FNDC3A: variants seen among roughly 807,000 people sequenced by gnomAD.
FNDC3A encodes fibronectin type-III domain-containing protein 3A.
Under a neutral mutation model 148.9 loss-of-function variants are expected in FNDC3A, and 32 were observed. The observed-to-expected ratio is 0.21, with a 90% CI of 0.16 to 0.29. The LOEUF (loss-of-function observed/expected upper bound fraction) is 0.29, where lower values mean the gene tolerates loss of function less well. FNDC3A is among the 10% of genes least tolerant of loss of function. FNDC3A has a pLI of 1.00. For missense variants in FNDC3A, 1,191 were observed against 1,452.8 expected, an observed-to-expected ratio of 0.82 and a Z score of 2.93; for synonymous variants, 472 against 473.6, an observed-to-expected ratio of 1.00 and a Z score of 0.04.
At position 49,197,977 on chromosome 13, in the gene FNDC3A, T is replaced by C. The variant is rs774766415; in HGVS notation, c.2491-5T>C. On this transcript the variant is annotated splice_polypyrimidine_tract_variant and splice_region_variant and intron_variant, in intron 21 of 25. Coordinates refer to ENST00000492622, the MANE Select transcript of FNDC3A (RefSeq NM_001079673.2). Reference sequence around the variant, plus strand: ...TGTTAACTCGGAGGCTCTGTTAATTTGTAGGCTCTGAGTGTTGTGGGTGCA... The same window carrying C: ...TGTTAACTCGGAGGCTCTGTTAATTCGTAGGCTCTGAGTGTTGTGGGTGCA... 28 of 1,605,830 alleles carry C rather than the reference T, an allele frequency of 1.7e-5. No individual in the cohort carries two copies. In the Admixed American group the frequency reaches 4.5e-4, roughly 26 times the overall value.
chr13:49,181,670 A>G (rs1885310382), intron 14 of FNDC3A, among the ~76,000 whole-genome samples: 1 of 152,148 alleles, frequency 6.6e-6, no homozygotes, highest in African/African-American at 2.4e-5. Flanking sequence ...TTCTAGCTAG[A>G]TATTGCAGAT....
At chr13:49,142,070 T>C (rs1882721520) in intron 7 of FNDC3A, among the ~76,000 whole-genome samples, 1 of 152,250 alleles carries the variant, frequency 6.6e-6, no homozygotes, top group African/African-American at 2.4e-5. Context: ...GTGATATGGA[T>C]ATAAAAGCAA....
chr13:49,062,033 A>G (rs1876933875), intron 2 of FNDC3A, among the ~76,000 whole-genome samples: 2 of 151,888 alleles, frequency 1.3e-5, no homozygotes, highest in South Asian at 2.1e-4. Flanking sequence ...TGCGGAAACC[A>G]TTGTGTAAAG....
At chr13:49,068,952 G>A (rs1010414062) in intron 2 of FNDC3A, among the ~76,000 whole-genome samples, 1 of 151,980 alleles carries the variant, frequency 6.6e-6, no homozygotes, top group African/African-American at 2.4e-5. Context: ...TAACTATTGG[G>A]TACTAGATTT....
intron 2 of FNDC3A, chr13:49,044,723 C>A: frequency 6.6e-6 from 2 of 303,828 alleles, no homozygotes; most frequent in Non-Finnish European, 6.7e-6. Context: ...GAATGGTTAA[C>A]AGAACAAGAT....
chr13:49,006,160 C>A lies in FNDC3A; in HGVS notation c.-31C>A. 2.5e-6 allele frequency: 3 copies of A among 1,197,622 alleles called. No homozygotes were observed. The highest frequency in any genetic ancestry group is 1.3e-5 in the South Asian group (1 of 78,814). 74.2% of individuals were successfully genotyped at this position (1,197,622 alleles called of 1,614,324 possible). ...ATATGTTTGTTTTTCAGAATTGGAG[C>A]GTTATTCAGTATATTAATGTCTTAT... On this transcript the variant is annotated 5_prime_UTR_variant, in exon 2 of 26. Coordinates refer to ENST00000492622, the MANE Select transcript of FNDC3A (RefSeq NM_001079673.2).
rs1043020952 is a variant in FNDC3A, at chr13:49,180,974, C to T, written c.1617+2320C>T. ...ACGCTTGTAATAATCCCAACACTTT[C>T]GGAGGCTGAGACAGGAGGATCATAT... On this transcript the variant is annotated intron_variant, in intron 14 of 25. Transcript: ENST00000492622. 3.9e-5 allele frequency among the ~76,000 whole-genome samples: 6 copies of T among 152,102 alleles called. No homozygotes were observed. In the East Asian group the frequency reaches 5.8e-4, roughly 15 times the overall value.
chr13:49,203,853 T>C (rs920317172), intron 25 of FNDC3A, among the ~76,000 whole-genome samples: 2 of 151,530 alleles, frequency 1.3e-5, no homozygotes, highest in Non-Finnish European at 2.9e-5. Flanking sequence ...AAGGGAAGAG[T>C]TGATAAGGTC....
At position 49,178,581 on chromosome 13, in the gene FNDC3A, A is replaced by G. The variant is rs1885149897; in HGVS notation, c.1544A>G (p.Lys515Arg). ...TTCCTTTTCCAGGGATATGGTTTTAAGCCTAAATATGATGGAGAAGATCTT... is the reference window on the plus strand; with the variant it reads ...TTCCTTTTCCAGGGATATGGTTTTAGGCCTAAATATGATGGAGAAGATCTT... Reference protein sequence around the residue: ...MEEETSGYGFKPKYDGEDLAY... With the variant: ...MEEETSGYGFRPKYDGEDLAY... Residue 515 changes from lysine (K) to arginine (R), a missense_variant, in exon 14 of 26, where the codon AAG (lysine) becomes AGG (arginine). By Grantham distance (26) the Lys-to-Arg change is conservative (BLOSUM62 2). Around this residue, in one of 3 missense-constraint regions of FNDC3A, gnomAD observed 751 missense variants for 944.0 expected, o/e 0.80. Coordinates refer to ENST00000492622, the MANE Select transcript of FNDC3A (RefSeq NM_001079673.2). 1 of 1,594,474 alleles carries G rather than the reference A, an allele frequency of 6.3e-7. No individual in the cohort carries two copies. Among genetic ancestry groups the G allele is most frequent in the Non-Finnish European group, 8.6e-7 (1 of 1,168,934 alleles).
chr13:49,053,146 A>G (rs990966790), intron 2 of FNDC3A, among the ~76,000 whole-genome samples: 1 of 152,162 alleles, frequency 6.6e-6, no homozygotes, highest in African/African-American at 2.4e-5. Context: ...CCAGATCATG[A>G]GCCTCCCCAT....
At chr13:49,079,419 A>C (rs1036158528) in intron 3 of FNDC3A, among the ~76,000 whole-genome samples, 38 of 152,230 alleles carry the variant, frequency 2.5e-4, no homozygotes, top group African/African-American at 8.7e-4. Flanking sequence ...TTACTATAAC[A>C]TTCAGTGGTA....
chr13:48,977,767 T>A (rs1344873867), intron 1 of FNDC3A, among the ~76,000 whole-genome samples: 1 of 152,218 alleles, frequency 6.6e-6, no homozygotes, highest in Non-Finnish European at 1.5e-5. Flanking sequence ...GAGAAACATC[T>A]TGTTAAAATT....
rs572846276 is a variant in FNDC3A, at chr13:49,148,972, A to ATG, written c.977+3040_977+3041dup. ...GTTTTTTCTTTTGTAGCTATTGTAAATGTGATTGCCTTTTGGGCTTCTTTC... is the reference window on the plus strand; with the variant it reads ...GTTTTTTCTTTTGTAGCTATTGTAAATGTGTGATTGCCTTTTGGGCTTCTTTC... On this transcript the variant is annotated intron_variant, in intron 8 of 25. Coordinates refer to ENST00000492622, the MANE Select transcript of FNDC3A (RefSeq NM_001079673.2). Among the ~76,000 whole-genome samples the ATG allele has an allele frequency of 4.5e-4, 68 of 152,072 alleles. No homozygotes were observed. In the East Asian group the frequency reaches 5.0e-3, roughly 11 times the overall value.
At chr13:49,191,934 C>T (rs1438853579) in intron 19 of FNDC3A, among the ~76,000 whole-genome samples, 1 of 152,080 alleles carries the variant, frequency 6.6e-6, no homozygotes, top group Non-Finnish European at 1.5e-5. Context: ...GTGATATCTC[C>T]ATTTCACAAC....
chr13:49,049,834 C>T (rs747399663), intron 2 of FNDC3A, among the ~76,000 whole-genome samples: 4 of 152,116 alleles, frequency 2.6e-5, no homozygotes, highest in Non-Finnish European at 5.9e-5. Flanking sequence ...ATTCATCTGC[C>T]TTGGCCTCCT....
intron 3 of FNDC3A, among the ~76,000 whole-genome samples, chr13:49,091,562 C>G (rs1879192220): frequency 6.6e-6 from 1 of 152,198 alleles, no homozygotes; most frequent in South Asian, 2.1e-4. Flanking sequence ...GGAAGATTTC[C>G]CTTCACTGTT....
chr13:48,985,430 T>C (rs1213255685), intron 1 of FNDC3A, among the ~76,000 whole-genome samples: 3 of 152,190 alleles, frequency 2.0e-5, no homozygotes, highest in Non-Finnish European at 4.4e-5. Context: ...CATTCATTAA[T>C]AGAGAGTATT....
intron 3 of FNDC3A, among the ~76,000 whole-genome samples, chr13:49,104,395 G>A (rs183630109): frequency 8.5e-5 from 13 of 152,248 alleles, no homozygotes; most frequent in African/African-American, 2.6e-4. Flanking sequence ...ATGGTGGCGG[G>A]CGCCTGTAGT....
intron 7 of FNDC3A, among the ~76,000 whole-genome samples, chr13:49,142,033 A>C (rs1299026558): frequency 6.6e-6 from 1 of 152,212 alleles, no homozygotes; most frequent in African/African-American, 2.4e-5. Flanking sequence ...TATTTTGCCT[A>C]CTTTAGGTGG....
Sources: allele counts gnomAD v4.1 joint callset (sites outside exome capture counted in the v4.1 genomes callset), GRCh38; gene constraint gnomAD v4.1.1; regional missense constraint gnomAD v4.1.1; transcripts MANE v1.5; gene names NCBI Gene and HGNC (gene_info 2026-07-23, HGNC 2026-07-21).